The following FSTL4 variants were observed in gnomAD, a reference collection of about 807,000 sequenced individuals.
FSTL4 encodes follistatin like 4, also known as follistatin-related protein 4.
Under a neutral mutation model 78.2 loss-of-function variants are expected in FSTL4, and 28 were observed. The ratio of observed to expected loss-of-function variants is 0.36; its 90% CI spans 0.27 to 0.49. FSTL4 has a LOEUF of 0.49. FSTL4 is among the 20% of genes least tolerant of loss of function. The probability of loss-of-function intolerance (pLI) is 0.98; values close to 1 mark genes in which losing one functional copy is unlikely to be tolerated. For synonymous variants in FSTL4, 422 were observed against 440.5 expected (o/e 0.96, Z 0.53); for missense variants, 922 against 1,084.9 (o/e 0.85, Z 2.11).
chr5:133,565,251 T>C (rs1352888076), intron 3 of FSTL4, among the ~76,000 whole-genome samples: 1 of 152,220 alleles, frequency 6.6e-6, no homozygotes, highest in Admixed American at 6.5e-5. Flanking sequence ...AAAAATAGTT[T>C]ACTGAAGCAC....
chr5:133,263,940 T>C (rs1752590762), intron 6 of FSTL4, among the ~76,000 whole-genome samples: 1 of 152,160 alleles, frequency 6.6e-6, no homozygotes, highest in Admixed American at 6.5e-5. Context: ...GCCTGGAGTA[T>C]AATGGGGATG....
the FSTL4 span, among the ~76,000 whole-genome samples, chr5:133,667,277 C>G: frequency 6.6e-6 from 1 of 152,242 alleles, no homozygotes; most frequent in Non-Finnish European, 1.5e-5. Context: ...CAGTTGTTAT[C>G]ACTTCCACCA....
intron 6 of FSTL4, among the ~76,000 whole-genome samples, chr5:133,304,453 C>G (rs1753613814): frequency 6.6e-6 from 1 of 152,156 alleles, no homozygotes; most frequent in Admixed American, 6.5e-5. Context: ...GTTCCTGCCT[C>G]TCCCTCCAAG....
chr5:133,746,518 A>G, the FSTL4 span, among the ~76,000 whole-genome samples: 1 of 152,158 alleles, frequency 6.6e-6, no homozygotes. Context: ...TAGTGAGCAG[A>G]AAGGTTTCCA....
the FSTL4 span, among the ~76,000 whole-genome samples, chr5:133,813,060 G>A: frequency 6.6e-6 from 1 of 152,198 alleles, no homozygotes; most frequent in Non-Finnish European, 1.5e-5. Context: ...GCAAAGGAGA[G>A]GCTAATATGG....
At chr5:133,428,708 G>A (rs916460661) in intron 3 of FSTL4, among the ~76,000 whole-genome samples, 8 of 152,166 alleles carry the variant, frequency 5.3e-5, no homozygotes, top group South Asian at 2.1e-4. Context: ...AAGCAACCTC[G>A]ACTCCAGATA....
intron 3 of FSTL4, among the ~76,000 whole-genome samples, chr5:133,491,401 CTTT>C (rs754185647): frequency 7.3e-5 from 10 of 137,892 alleles, no homozygotes; most frequent in African/African-American, 7.9e-5. Context: ...ACAATTTTTT[CTTT>C]TTTTTTTTTT....
intron 3 of FSTL4, among the ~76,000 whole-genome samples, chr5:133,437,362 G>A (rs1757054892): frequency 6.6e-6 from 1 of 152,204 alleles, no homozygotes; most frequent in African/African-American, 2.4e-5. Flanking sequence ...GAGGTAGCTT[G>A]AGAAGGTAAT....
chr5:133,387,056 T>C (rs1755716085), intron 4 of FSTL4, among the ~76,000 whole-genome samples: 1 of 152,214 alleles, frequency 6.6e-6, no homozygotes, highest in African/African-American at 2.4e-5. Context: ...GTGCCAAGTC[T>C]GGTGGAGGAG....
intron 4 of FSTL4, among the ~76,000 whole-genome samples, chr5:133,379,488 C>T (rs1305408702): frequency 6.6e-6 from 1 of 151,818 alleles, no homozygotes; most frequent in Non-Finnish European, 1.5e-5. Context: ...CCAGGACAGA[C>T]CATATACTAG....
chr5:133,714,297 C>A, the FSTL4 span, among the ~76,000 whole-genome samples: 4 of 152,174 alleles, frequency 2.6e-5, no homozygotes, highest in South Asian at 8.3e-4. Flanking sequence ...TTCTACAAAC[C>A]AGGCCCTGGG....
chr5:133,576,840 G>A (rs1011897359), intron 2 of FSTL4, among the ~76,000 whole-genome samples: 5 of 152,320 alleles, frequency 3.3e-5, no homozygotes, highest in African/African-American at 1.2e-4. Context: ...TATCTGAGAT[G>A]TTCTTAAAAT....
chr5:133,745,495 T>C, the FSTL4 span, among the ~76,000 whole-genome samples: 1 of 152,226 alleles, frequency 6.6e-6, no homozygotes, highest in African/African-American at 2.4e-5. Context: ...TAGATTAATG[T>C]TCTTTTAGCC....
intron 3 of FSTL4, among the ~76,000 whole-genome samples, chr5:133,563,363 TCACTTAAGCAACCAC>T (rs1015076470): frequency 5.3e-5 from 8 of 152,164 alleles, no homozygotes; most frequent in African/African-American, 1.9e-4. Flanking sequence ...CAAGATCAAG[TCACTTAAGCAACCAC>T]CACCCACTAA....
intron 3 of FSTL4, among the ~76,000 whole-genome samples, chr5:133,512,368 G>A (rs1758753213): frequency 6.6e-6 from 1 of 152,238 alleles, no homozygotes; most frequent in Admixed American, 6.5e-5. Context: ...GACACAGTGA[G>A]CAAACAACTA....
chr5:133,561,969 G>A (rs1467186137), intron 3 of FSTL4, among the ~76,000 whole-genome samples: 1 of 152,184 alleles, frequency 6.6e-6, no homozygotes, highest in Non-Finnish European at 1.5e-5. Flanking sequence ...GCCAATTTCT[G>A]TGAGGTTGGG....
intron 4 of FSTL4, among the ~76,000 whole-genome samples, chr5:133,341,341 C>T (rs961531716): frequency 2.0e-5 from 3 of 150,262 alleles, no homozygotes; most frequent in Non-Finnish European, 4.4e-5. Flanking sequence ...TAGTTAAGGT[C>T]TCAGACAAGG....
At chr5:133,731,355 A>G in the FSTL4 span, among the ~76,000 whole-genome samples, 1 of 152,178 alleles carries the variant, frequency 6.6e-6, no homozygotes, top group African/African-American at 2.4e-5. Flanking sequence ...ACCCATCTAT[A>G]CTGCAGCCTA....
the FSTL4 span, among the ~76,000 whole-genome samples, chr5:133,798,582 G>C: frequency 6.6e-6 from 1 of 150,664 alleles, no homozygotes; most frequent in Non-Finnish European, 1.5e-5. Flanking sequence ...AACAAGGGAC[G>C]CCATGTACAG....
Sources: gnomAD v4.1 joint callset for allele counts (sites outside exome capture counted in the v4.1 genomes callset) on GRCh38, gnomAD v4.1.1 for gene constraint, MANE v1.5 for transcripts, NCBI Gene and HGNC (gene_info 2026-07-23, HGNC 2026-07-21) for gene names.